The following ARID3A variants were observed in gnomAD, a reference collection of about 807,000 sequenced individuals.
ARID3A encodes the protein AT-rich interaction domain 3A, also known as AT-rich interactive domain-containing protein 3A.
A neutral mutation model predicts 52.7 loss-of-function variants in ARID3A; 11 were observed. That is an observed-to-expected ratio of 0.21 (90% confidence interval 0.13 to 0.35). The LOEUF (loss-of-function observed/expected upper bound fraction) is 0.35, where lower values mean the gene tolerates loss of function less well. Ranked by LOEUF, ARID3A falls within the 10% of genes least tolerant of loss-of-function variation. ARID3A has a pLI of 1.00. For synonymous variants in ARID3A, 404 were observed against 359.4 expected (o/e 1.12, Z -1.40); for missense variants, 721 against 838.5 (o/e 0.86, Z 1.73).
Position 965,252 on chromosome 19 carries a change from A to G in ARID3A, c.1198+172A>G, listed in dbSNP as rs2038124968. The G allele has an allele frequency of 4.2e-6, 3 of 718,250 alleles. No individual in the cohort carries two copies. In the East Asian group the frequency reaches 8.5e-5, roughly 20 times the overall value. 44.5% of individuals were successfully genotyped at this position (718,250 alleles called of 1,614,324 possible). A position where few individuals can be genotyped will look rare whatever the true frequency, so the allele number is the denominator to read the frequency against. On this transcript the variant is annotated intron_variant, in intron 6 of 8. Transcript: ENST00000263620. ...CCTCTGCCTATGGCAGACATTACCA[A>G]TCCATCACCATTTTCTAATTCCACA...
rs1174684144 is a variant in ARID3A, at chr19:974,269, G to A, written c.*2204G>A. 4 of 227,480 alleles carry A rather than the reference G, an allele frequency of 1.8e-5. No individual in the cohort carries two copies. The highest frequency in any genetic ancestry group is 1.8e-4 in the South Asian group (1 of 5,486). The allele number at this position is 227,480 out of a possible 1,614,324, so 14.1% of individuals were successfully genotyped here. A position where few individuals can be genotyped will look rare whatever the true frequency, so the allele number is the denominator to read the frequency against. ...CACTTCCTTCTCGGATCTCAGGGCCGTGGACACACACCCCCTTTCCAGGAG... is the reference window on the plus strand; with the variant it reads ...CACTTCCTTCTCGGATCTCAGGGCCATGGACACACACCCCCTTTCCAGGAG... On this transcript the variant is annotated 3_prime_UTR_variant, in exon 9 of 9. Coordinates refer to ENST00000263620, the MANE Select transcript of ARID3A (RefSeq NM_005224.3).
rs762212890 is a variant in ARID3A at position 929,785 on chromosome 19, C to T, written c.257C>T (p.Pro86Leu). The change falls in exon 2 of 9, where the codon CCA becomes CTA. Residue 86 changes from proline to leucine, a missense_variant. By Grantham distance (98) the Pro-to-Leu change is moderately conservative (BLOSUM62 -3). Coordinates refer to ENST00000263620, the MANE Select transcript of ARID3A (RefSeq NM_005224.3). This position sits in a 1 kb window ranked among gnomAD's most constrained non-coding sequence, Gnocchi z 6.2. ...CCCGGCGGCTCTGAGGATGGGCCCC[C>T]AGGCTCGGAGGAGGAGGACGCGGCC... ...ASPGGSEDGPPGSEEEDAARE... is the reference protein window; with the variant it reads ...ASPGGSEDGPLGSEEEDAARE... The T allele has an allele frequency of 9.7e-6, 15 of 1,550,134 alleles. No homozygotes were observed. The highest frequency in any genetic ancestry group is 1.4e-5 in the African/African-American group (1 of 73,622).
chr19:926,510 T>C (rs901305083), intron 1 of ARID3A, among the ~76,000 whole-genome samples: 13 of 151,544 alleles, frequency 8.6e-5, no homozygotes, highest in African/African-American at 3.1e-4. Context: ...TGCACCCCGA[T>C]ATTTTATTTC....
intron 3 of ARID3A, among the ~76,000 whole-genome samples, chr19:937,762 A>G (rs2037466930): frequency 7.2e-6 from 1 of 138,182 alleles, no homozygotes; most frequent in African/African-American, 2.8e-5. Flanking sequence ...GCTGGAGTGC[A>G]ATGGGGCGAT....
intron 3 of ARID3A, chr19:958,277 A>T (rs2037963259): frequency 6.6e-6 from 1 of 151,240 alleles, no homozygotes; most frequent in Non-Finnish European, 1.5e-5. Flanking sequence ...ATACAAAAAA[A>T]TTAGCCGGGC....
At position 947,839 on chromosome 19, in the gene ARID3A, G is replaced by A. The variant is rs2037719674; in HGVS notation, c.694-12253G>A. Among the ~76,000 whole-genome samples, 1 of 152,208 alleles carries A rather than the reference G, an allele frequency of 6.6e-6. No homozygotes were observed. The highest frequency in any genetic ancestry group is 6.5e-5 in the Admixed American group (1 of 15,284). On this transcript the variant is annotated intron_variant, in intron 3 of 8. Coordinates refer to ENST00000263620, the MANE Select transcript of ARID3A (RefSeq NM_005224.3). This position sits in a 1 kb window ranked among gnomAD's most constrained non-coding sequence, Gnocchi z 6.3. ...GTGGAGCCGGCAGATGTTCGGCCCT[G>A]CCCAGAATCACTTCCCCAATTTCCC...
At chr19:931,734 ACCCGGGAG>A in intron 2 of ARID3A, among the ~76,000 whole-genome samples, 1 of 149,334 alleles carries the variant, frequency 6.7e-6, no homozygotes, top group East Asian at 2.0e-4. Flanking sequence ...AATGGCATGA[ACCCGGGAG>A]GCGGAGCTTG....
chr19:948,432 G>T (rs1184904447), intron 3 of ARID3A, among the ~76,000 whole-genome samples: 1 of 152,076 alleles, frequency 6.6e-6, no homozygotes, highest in Non-Finnish European at 1.5e-5. Flanking sequence ...TCCCGGGGCC[G>T]CGGTCCTGCG....
rs2038002945 is a variant in ARID3A at position 959,845 on chromosome 19, C to T, written c.694-247C>T. Among the ~76,000 whole-genome samples the T allele has an allele frequency of 6.6e-6, 1 of 152,164 alleles. No homozygotes were observed. The highest frequency in any genetic ancestry group is 2.4e-5 in the African/African-American group (1 of 41,428). On this transcript the variant is annotated intron_variant, in intron 3 of 8. Coordinates refer to ENST00000263620, the MANE Select transcript of ARID3A (RefSeq NM_005224.3). This position sits in a 1 kb window ranked among gnomAD's most constrained non-coding sequence, Gnocchi z 5.0. ...ACCGGGAGAGGACACTGTCTTGTCC[C>T]AGGCCACCTGGTTTCTGGTGCCTCC...
intron 4 of ARID3A, among the ~76,000 whole-genome samples, chr19:962,312 G>C (rs770800523): frequency 2.0e-5 from 3 of 152,060 alleles, no homozygotes; most frequent in African/African-American, 7.2e-5. Flanking sequence ...AAGTGAGGGA[G>C]GGGTCCTGAC....
At chr19:946,165 G>A (rs1438605185) in intron 3 of ARID3A, among the ~76,000 whole-genome samples, 1 of 152,012 alleles carries the variant, frequency 6.6e-6, no homozygotes, top group African/African-American at 2.4e-5. Context: ...GCCGCGTGGA[G>A]TGGCAGGTTC....
At chr19:958,620 C>T (rs2037973300) in intron 3 of ARID3A, among the ~76,000 whole-genome samples, 1 of 151,836 alleles carries the variant, frequency 6.6e-6, no homozygotes, top group South Asian at 2.1e-4. Flanking sequence ...TTCCATATTT[C>T]TAGTGGCTCA....
At chr19:948,867 G>C (rs564040865) in intron 3 of ARID3A, among the ~76,000 whole-genome samples, 1 of 151,930 alleles carries the variant, frequency 6.6e-6, no homozygotes, top group Admixed American at 6.5e-5. Flanking sequence ...GCGCCACCAC[G>C]CCCGGCTAAT....
In ARID3A at chr19:932,403, C is replaced by T. The variant is rs1346642814; in HGVS notation, c.369-15C>T. On this transcript the variant is annotated splice_polypyrimidine_tract_variant and intron_variant, in intron 2 of 8. Coordinates refer to ENST00000263620, the MANE Select transcript of ARID3A (RefSeq NM_005224.3). ...AGCACCTTCTCCCCTGACTCCTGCCCTCTGCTCACCCCAGGAAGCCCAAAT... is the reference window on the plus strand; with the variant it reads ...AGCACCTTCTCCCCTGACTCCTGCCTTCTGCTCACCCCAGGAAGCCCAAAT... The T allele has an allele frequency of 8.2e-6, 13 of 1,593,856 alleles. 1 individual carries two copies. Among genetic ancestry groups the T allele is most frequent in the African/African-American group, 1.4e-5 (1 of 72,906 alleles).
At chr19:930,265 T>C (rs113921728) in intron 2 of ARID3A, among the ~76,000 whole-genome samples, 11 of 151,884 alleles carry the variant, frequency 7.2e-5, no homozygotes, top group African/African-American at 1.9e-4. Context: ...AAAAATGGTT[T>C]TTTTAGCCGG....
chr19:944,872 C>T lies in ARID3A; in HGVS notation c.693+12130C>T, dbSNP rs1382389633. On this transcript the variant is annotated intron_variant, in intron 3 of 8. Coordinates refer to ENST00000263620, the MANE Select transcript of ARID3A (RefSeq NM_005224.3). The surrounding 1 kb of genome is among the most constrained non-coding windows in gnomAD (Gnocchi z 5.9). ...TGAGCTCTTAGGGGAGCCGGGATGT[C>T]CCTGGGTCCTGCGGTCGCTCTCTGT... 3.3e-5 allele frequency among the ~76,000 whole-genome samples: 5 copies of T among 152,210 alleles called. No homozygotes were observed. Among genetic ancestry groups the T allele is most frequent in the African/African-American group, 1.2e-4 (5 of 41,446 alleles).
intron 2 of ARID3A, among the ~76,000 whole-genome samples, chr19:931,743 G>C (rs2037332923): frequency 6.6e-6 from 1 of 151,904 alleles, no homozygotes; most frequent in Non-Finnish European, 1.5e-5. Context: ...AACCCGGGAG[G>C]CGGAGCTTGC....
Position 932,762 on chromosome 19 carries a change from G to C in ARID3A, c.693+20G>C. On this transcript the variant is annotated intron_variant, in intron 3 of 8. Coordinates refer to ENST00000263620, the MANE Select transcript of ARID3A (RefSeq NM_005224.3). ...AAGCAGGTGAGTGGGCGCGTCCCGCGTGGCGGCTGAGGCACCTGCTCCTGG... is the reference window on the plus strand; with the variant it reads ...AAGCAGGTGAGTGGGCGCGTCCCGCCTGGCGGCTGAGGCACCTGCTCCTGG... 3.2e-6 allele frequency: 5 copies of C among 1,546,230 alleles called. No homozygotes were observed. The highest frequency in any genetic ancestry group is 8.7e-7 in the Non-Finnish European group (1 of 1,146,226).
At chr19:940,006 G>A (rs930798424) in intron 3 of ARID3A, among the ~76,000 whole-genome samples, 7 of 152,104 alleles carry the variant, frequency 4.6e-5, no homozygotes, top group Admixed American at 3.3e-4. Context: ...TGAGGCTTAG[G>A]GGCGCTGCTG....
Sources: gnomAD v4.1 joint callset for allele counts (sites outside exome capture counted in the v4.1 genomes callset) on GRCh38, gnomAD v4.1.1 for gene constraint, Gnocchi (gnomAD v3.1) non-coding constraint, MANE v1.5 for transcripts, NCBI Gene and HGNC (gene_info 2026-07-23, HGNC 2026-07-21) for gene names.